Variants in AGBL1 observed in about 807,000 individuals in gnomAD.
AGBL1 encodes AGBL carboxypeptidase 1.
In AGBL1, 130 loss-of-function variants were observed where a neutral mutation model predicts 118.9. The observed-to-expected ratio is 1.09, with a 90% CI of 0.95 to 1.26. AGBL1 has a LOEUF of 1.26. Ranked by LOEUF, AGBL1 falls within the 50% of genes most tolerant of loss-of-function variation. The pLI is 0.00. For missense variants in AGBL1, 1,584 were observed against 1,298.1 expected (o/e 1.22, Z -3.38); for synonymous variants, 555 against 478.9 (o/e 1.16, Z -2.08).
rs188445381 is a variant in AGBL1, at chr15:86,910,135, G to A, written c.*2841G>A. The A allele has an allele frequency of 3.9e-5, 6 of 152,340 alleles. No individual in the cohort carries two copies. Among genetic ancestry groups the A allele is most frequent in the Admixed American group, 1.3e-4 (2 of 15,306 alleles). 9.4% of individuals were successfully genotyped at this position (152,340 alleles called of 1,614,324 possible). ...ATATTACAAAAACGCCTAATCTAATGGGGGTGGCAGTTGTGGTAAAAGTCT... is the reference window on the plus strand; with the variant it reads ...ATATTACAAAAACGCCTAATCTAATAGGGGTGGCAGTTGTGGTAAAAGTCT... On this transcript the variant is annotated 3_prime_UTR_variant, in exon 23 of 23. Transcript: ENST00000614907.
At chr15:86,919,600 A>ACACACACACACACACACG (rs1596634905), downstream of AGBL1, among the ~76,000 whole-genome samples, 1 of 148,236 alleles carries the variant, frequency 6.7e-6, no homozygotes, top group Non-Finnish European at 1.5e-5. Flanking sequence ...ACACACACAC[A>ACACACACACACACACACG]CACACACACA....
intron 18 of AGBL1, among the ~76,000 whole-genome samples, chr15:86,519,338 T>C (rs2083158639): frequency 6.6e-6 from 1 of 152,210 alleles, no homozygotes; most frequent in Non-Finnish European, 1.5e-5. Context: ...ACTGAATTTA[T>C]TGCCAGCCAG....
chr15:86,429,201 CG>C (rs1251247665), intron 18 of AGBL1, among the ~76,000 whole-genome samples: 1 of 152,190 alleles, frequency 6.6e-6, no homozygotes. Flanking sequence ...TATCATACTC[CG>C]GATGGCAAGA....
chr15:86,166,785 T>C (rs2077348284), intron 5 of AGBL1, among the ~76,000 whole-genome samples: 1 of 152,152 alleles, frequency 6.6e-6, no homozygotes, highest in Non-Finnish European at 1.5e-5. Context: ...ATGTTGATAT[T>C]GGATGGATCA....
chr15:86,248,348 C>A (rs957505926), intron 7 of AGBL1, among the ~76,000 whole-genome samples: 3 of 152,182 alleles, frequency 2.0e-5, no homozygotes, highest in South Asian at 2.1e-4. Context: ...ATAAAATCTT[C>A]ATTCCATTGG....
intron 23 of AGBL1, among the ~76,000 whole-genome samples, chr15:86,922,338 T>G (rs1279768406): frequency 2.0e-5 from 3 of 152,250 alleles, no homozygotes. Flanking sequence ...TCACCCAGGC[T>G]GGAGTGCAAT....
chr15:86,827,378 T>C lies in AGBL1; in HGVS notation c.3159-79709T>C, dbSNP rs12907155. 2.0e-4 allele frequency among the ~76,000 whole-genome samples: 2 copies of C among 9,778 alleles called. 1 individual carries two copies. Among genetic ancestry groups the C allele is most frequent in the African/African-American group, 2.1e-3 (2 of 944 alleles). 6.4% of individuals were successfully genotyped at this position (9,778 alleles called of 152,430 possible). Reference sequence around the variant, plus strand: ...ATATATATATGTGTGTGTATATATATATATACACATATATATATACATATA... The same window carrying C: ...ATATATATATGTGTGTGTATATATACATATACACATATATATATACATATA... On this transcript the variant is annotated intron_variant, in intron 22 of 22. Transcript: ENST00000614907.
chr15:86,903,350 ATTC>A (rs1319330905), intron 22 of AGBL1, among the ~76,000 whole-genome samples: 2 of 151,418 alleles, frequency 1.3e-5, no homozygotes, highest in African/African-American at 2.4e-5. Context: ...GTTTCCATTT[ATTC>A]TTCTTTATTT....
At chr15:86,411,776 A>C (rs2081624686) in intron 18 of AGBL1, among the ~76,000 whole-genome samples, 1 of 152,198 alleles carries the variant, frequency 6.6e-6, no homozygotes, top group Admixed American at 6.5e-5. Context: ...ATAACAAGGA[A>C]ACAAATCTTA....
chr15:87,028,861 C>T, exon 25 of AGBL1: 7 of 1,598,918 alleles, frequency 4.4e-6, no homozygotes, highest in Non-Finnish European at 6.0e-6. Flanking sequence ...TTCAAATGAG[C>T]AAGTATTGAA....
chr15:86,478,685 C>A (rs1395539538), intron 18 of AGBL1, among the ~76,000 whole-genome samples: 1 of 152,112 alleles, frequency 6.6e-6, no homozygotes, highest in Non-Finnish European at 1.5e-5. Flanking sequence ...TCAATGCCAT[C>A]CCCATCAAGC....
intron 22 of AGBL1, among the ~76,000 whole-genome samples, chr15:86,834,804 G>A (rs865900199): frequency 2.0e-5 from 3 of 152,116 alleles, no homozygotes; most frequent in Admixed American, 6.5e-5. Flanking sequence ...ACACTAAAGC[G>A]TGAGATGCTA....
intron 17 of AGBL1, among the ~76,000 whole-genome samples, chr15:86,352,215 G>A (rs868363757): frequency 6.6e-6 from 1 of 152,274 alleles, no homozygotes; most frequent in Middle Eastern, 3.4e-3. Context: ...AGTCACTAAA[G>A]CAACTATGAT....
intron 22 of AGBL1, among the ~76,000 whole-genome samples, chr15:86,690,764 G>A (rs1439593218): frequency 6.6e-6 from 1 of 152,102 alleles, no homozygotes; most frequent in Admixed American, 6.6e-5. Context: ...CTGTTTGGTT[G>A]GGTGGTTTTG....
chr15:86,573,150 T>A (rs1395130893), intron 21 of AGBL1, among the ~76,000 whole-genome samples: 1 of 152,250 alleles, frequency 6.6e-6, no homozygotes, highest in Non-Finnish European at 1.5e-5. Context: ...AGTTTGTGAC[T>A]GGGTTTATGT....
At chr15:86,244,245 C>G (rs189787643) in intron 6 of AGBL1, among the ~76,000 whole-genome samples, 1 of 152,204 alleles carries the variant, frequency 6.6e-6, no homozygotes, top group Non-Finnish European at 1.5e-5. Flanking sequence ...TTGAAGCCCT[C>G]TCACATCTCT....
chr15:86,846,863 C>A (rs1047352020), intron 22 of AGBL1, among the ~76,000 whole-genome samples: 1 of 152,180 alleles, frequency 6.6e-6, no homozygotes, highest in Non-Finnish European at 1.5e-5. Context: ...ATTACTTTTT[C>A]ATATTCTTTT....
chr15:86,964,899 G>A (rs902396052), intron 23 of AGBL1, among the ~76,000 whole-genome samples: 3 of 151,816 alleles, frequency 2.0e-5, no homozygotes, highest in Non-Finnish European at 2.9e-5. Flanking sequence ...TTCTGTTCCC[G>A]TGACAGTTTG....
At position 86,264,352 on chromosome 15, in the gene AGBL1, AT is replaced by A; in HGVS notation, c.1183del (p.Cys395AlafsTer25). 6.2e-7 allele frequency: 1 copy of A among 1,613,460 alleles called. No homozygotes were observed. The highest frequency in any genetic ancestry group is 8.5e-7 in the Non-Finnish European group (1 of 1,179,658). On this transcript the variant is annotated frameshift_variant, in exon 11 of 23. Transcript: ENST00000614907. LOFTEE classifies it high-confidence loss of function. The part of the protein sequence containing the change: ...HIPAAASSKQ[H>X]CYSKDQSSCG... ...CCAGCCGCTGCCTCCTCAAAACAGC[AT>A]TGCTACAGCAAGGACCAAAGCTCCT... is the stretch of plus-strand genomic sequence containing the variant.
Sources: allele counts gnomAD v4.1 joint callset (sites outside exome capture counted in the v4.1 genomes callset), GRCh38; gene constraint gnomAD v4.1.1; transcripts MANE v1.5; gene names NCBI Gene and HGNC (gene_info 2026-07-23, HGNC 2026-07-21).